UNC13B: variants seen among roughly 807,000 people sequenced by gnomAD.
UNC13B encodes unc-13 homolog B.
UNC13B carries 144 observed loss-of-function variants against 211.0 expected under a neutral mutation model. The ratio of observed to expected loss-of-function variants is 0.68; its 90% CI spans 0.60 to 0.78. The LOEUF (loss-of-function observed/expected upper bound fraction) is 0.78. Among genes scored for constraint, UNC13B ranks in the 30% least tolerant of loss-of-function variants. The pLI is 0.00. For synonymous variants in UNC13B, 709 were observed against 725.8 expected (o/e 0.98, Z 0.37); for missense variants, 1,777 against 2,002.0 (o/e 0.89, Z 2.14).
chr9:35,250,481 T>G (rs1206602415), intron 6 of UNC13B, among the ~76,000 whole-genome samples: 2 of 152,252 alleles, frequency 1.3e-5, no homozygotes, highest in African/African-American at 4.8e-5. Flanking sequence ...ATTCTTGTTT[T>G]ACCATGTAAA....
chr9:35,211,337 A>G (rs775622225), intron 1 of UNC13B, among the ~76,000 whole-genome samples: 5 of 152,150 alleles, frequency 3.3e-5, no homozygotes, highest in Non-Finnish European at 7.4e-5. Flanking sequence ...CATCCTATGC[A>G]TACTTTTTAT....
chr9:35,395,543 C>G (rs1007277799), intron 26 of UNC13B, among the ~76,000 whole-genome samples: 2 of 152,230 alleles, frequency 1.3e-5, no homozygotes, highest in African/African-American at 4.8e-5. Flanking sequence ...AGGACAGTGG[C>G]CTTCTCTTCT....
At chr9:35,339,925 G>C (rs1831884613) in intron 11 of UNC13B, among the ~76,000 whole-genome samples, 1 of 152,214 alleles carries the variant, frequency 6.6e-6, no homozygotes, top group Admixed American at 6.5e-5. Flanking sequence ...TCCCACTCTT[G>C]AAAGTTTGAG....
At chr9:35,184,379 G>A (rs979136520) in intron 1 of UNC13B, among the ~76,000 whole-genome samples, 52 of 152,196 alleles carry the variant, frequency 3.4e-4, no homozygotes, top group Middle Eastern at 3.2e-3. Flanking sequence ...TGGAGGTTGT[G>A]GCGAGCCGAG....
intron 11 of UNC13B, among the ~76,000 whole-genome samples, 192 bp from the exon 12 acceptor site, chr9:35,366,755 T>C: frequency 6.6e-6 from 1 of 152,226 alleles, no homozygotes; most frequent in East Asian, 1.9e-4. Context: ...AGGAGACAGG[T>C]ACCACTCATT....
chr9:35,206,286 G>T (rs1424934827), intron 1 of UNC13B, among the ~76,000 whole-genome samples: 1 of 152,166 alleles, frequency 6.6e-6, no homozygotes, highest in Non-Finnish European at 1.5e-5. Flanking sequence ...GTGGCTTTTA[G>T]TATGTTCACA....
rs1399306707 is a variant in UNC13B at position 35,352,990 on chromosome 9, G to A, written c.9415-13957G>A. ...TGAAGACAGAGAGAATAAACGCAGAGGACAAGCTCCTGGGCTGCGAAGCTG... is the reference window on the plus strand; with the variant it reads ...TGAAGACAGAGAGAATAAACGCAGAAGACAAGCTCCTGGGCTGCGAAGCTG... On this transcript the variant is annotated intron_variant, in intron 11 of 39. Transcript: ENST00000635942. 3 of 1,232,060 alleles carry A rather than the reference G, an allele frequency of 2.4e-6. No individual in the cohort carries two copies. In the East Asian group the frequency reaches 9.5e-5, roughly 39 times the overall value. The allele number at this position is 1,232,060 out of a possible 1,614,324, so 76.3% of individuals were successfully genotyped here.
At chr9:35,232,159 G>A (rs1362972211) in intron 3 of UNC13B, among the ~76,000 whole-genome samples, 1 of 87,448 alleles carries the variant, frequency 1.1e-5, no homozygotes, top group African/African-American at 3.9e-5. Context: ...AATCCTCTGG[G>A]CTCTTGGTAT....
At chr9:35,273,114 T>C (rs1265216660) in intron 7 of UNC13B, among the ~76,000 whole-genome samples, 1 of 152,184 alleles carries the variant, frequency 6.6e-6, no homozygotes, top group African/African-American at 2.4e-5. Context: ...TAAAACGGCA[T>C]AACCCAACAT....
chr9:35,225,630 C>T (rs1338949543), intron 1 of UNC13B, among the ~76,000 whole-genome samples: 2 of 151,506 alleles, frequency 1.3e-5, no homozygotes, highest in Admixed American at 6.6e-5. Flanking sequence ...GTGTAGTCTC[C>T]GTATGATTTC....
At chr9:35,175,444 G>C (rs1821571081) in intron 1 of UNC13B, among the ~76,000 whole-genome samples, 1 of 152,216 alleles carries the variant, frequency 6.6e-6, no homozygotes. Context: ...GATGTGGTCA[G>C]AACTGTAGGA....
At chr9:35,178,251 G>A (rs926203766) in intron 1 of UNC13B, among the ~76,000 whole-genome samples, 8 of 152,168 alleles carry the variant, frequency 5.3e-5, no homozygotes, top group African/African-American at 1.9e-4. Flanking sequence ...GCTCATGCCT[G>A]TAATCTCAGC....
At chr9:35,281,918 C>T (rs986345983) in intron 7 of UNC13B, among the ~76,000 whole-genome samples, 6 of 152,100 alleles carry the variant, frequency 3.9e-5, no homozygotes, top group East Asian at 3.9e-4. Flanking sequence ...TTGATGGCTT[C>T]GGTGGAGGGA....
intron 22 of UNC13B, chr9:35,385,182 A>G (rs1194810268): frequency 4.1e-6 from 4 of 985,404 alleles, no homozygotes; most frequent in Non-Finnish European, 4.8e-6. Context: ...TGAAGTAAGG[A>G]TGGCTGGAAA....
chr9:35,298,535 G>A (rs1203118308), intron 8 of UNC13B, among the ~76,000 whole-genome samples: 1 of 152,144 alleles, frequency 6.6e-6, no homozygotes, highest in Non-Finnish European at 1.5e-5. Context: ...GCTCAGGCCG[G>A]TCTTGAATTC....
intron 1 of UNC13B, among the ~76,000 whole-genome samples, chr9:35,221,508 A>T (rs562755073): frequency 3.9e-4 from 60 of 152,252 alleles, no homozygotes; most frequent in African/African-American, 1.3e-3. Flanking sequence ...ATAGTTTGCA[A>T]ATTACTTTTT....
intron 1 of UNC13B, among the ~76,000 whole-genome samples, chr9:35,184,836 GAAAGAAAGAAAGA>G (rs1388318711): frequency 1.1e-5 from 1 of 91,588 alleles, no homozygotes; most frequent in Non-Finnish European, 2.3e-5. Context: ...AGAGAGAGGA[GAAAGAAAGAAAGA>G]AAAGAAAGAA....
At chr9:35,198,001 T>C (rs564005419) in intron 1 of UNC13B, among the ~76,000 whole-genome samples, 1 of 151,898 alleles carries the variant, frequency 6.6e-6, no homozygotes, top group East Asian at 1.9e-4. Context: ...TTAAAAACTT[T>C]AAAAAACATA....
intron 6 of UNC13B, among the ~76,000 whole-genome samples, chr9:35,246,845 G>C (rs1289907766): frequency 6.6e-6 from 1 of 152,058 alleles, no homozygotes; most frequent in African/African-American, 2.4e-5. Flanking sequence ...CTCTTTTTTG[G>C]TTCCATATGA....
Sources: allele counts gnomAD v4.1 joint callset (sites outside exome capture counted in the v4.1 genomes callset), GRCh38; gene constraint gnomAD v4.1.1; transcripts MANE v1.5; gene names NCBI Gene and HGNC (gene_info 2026-07-23, HGNC 2026-07-21).